KLHL22: variants seen among roughly 807,000 people sequenced by gnomAD.
KLHL22 encodes kelch like family member 22, also known as kelch-like protein 22.
In KLHL22, 18 loss-of-function variants were observed where a neutral mutation model predicts 60.7. The ratio of observed to expected loss-of-function variants is 0.30; its 90% CI spans 0.20 to 0.44. The LOEUF is 0.44. KLHL22 is among the 20% of genes least tolerant of loss of function. KLHL22 has a pLI of 1.00. For synonymous variants in KLHL22, 355 were observed against 354.5 expected, an observed-to-expected ratio of 1.00 and a Z score of -0.01; for missense variants, 596 against 852.3, an observed-to-expected ratio of 0.70 and a Z score of 3.74.
At chr22:20,484,634 G>T (rs1246987694) in intron 2 of KLHL22, among the ~76,000 whole-genome samples, 1 of 151,730 alleles carries the variant, frequency 6.6e-6, no homozygotes, top group East Asian at 1.9e-4. Flanking sequence ...GTTTCGTCAC[G>T]TTGCCCAGGC....
intron 6 of KLHL22, among the ~76,000 whole-genome samples, chr22:20,444,178 T>C (rs909513947): frequency 6.6e-6 from 1 of 151,634 alleles, no homozygotes; most frequent in African/African-American, 2.4e-5. Flanking sequence ...AGTGGGGACC[T>C]CTAGAAGCCA....
rs2053206061 is a variant in KLHL22, at chr22:20,464,828, A to G, written c.1112+30T>C. On this transcript the variant is annotated intron_variant, in intron 4 of 6. Coordinates refer to ENST00000328879, the MANE Select transcript of KLHL22 (RefSeq NM_032775.4). ...TTCCACACCCTCTCATCACCTGAAG[A>G]CAAAGGGACCAGCTAGCACCCTGTC... 4.4e-6 allele frequency: 6 copies of G among 1,378,028 alleles called. No homozygotes were observed. In the East Asian group the frequency reaches 1.4e-4, roughly 32 times the overall value. 85.4% of individuals were successfully genotyped at this position (1,378,028 alleles called of 1,614,324 possible).
intron 3 of KLHL22, among the ~76,000 whole-genome samples, chr22:20,469,768 G>A (rs2053285054): frequency 1.8e-5 from 1 of 54,592 alleles, no homozygotes; most frequent in African/African-American, 7.4e-5. Context: ...GTTTTCCTGT[G>A]ACTTGAGTTG....
rs2053751325 is a variant in KLHL22 at position 20,495,315 on chromosome 22, A to G, written c.-34+445T>C. Among the ~76,000 whole-genome samples, 4 of 152,328 alleles carry G rather than the reference A, an allele frequency of 2.6e-5. No individual in the cohort carries two copies. The South Asian group carries it at 6.2e-4, about 24-fold the overall frequency. On this transcript the variant is annotated intron_variant, in intron 1 of 6. Coordinates refer to ENST00000328879, the MANE Select transcript of KLHL22 (RefSeq NM_032775.4). The surrounding 1 kb of genome is among the most constrained non-coding windows in gnomAD (Gnocchi z 4.6). ...GGCAAGGCTGGGCTCCTACGGCTGC[A>G]GTCCCCGGGCCCGATCGAGGGAACT...
chr22:20,445,727 A>G (rs1483437884), intron 6 of KLHL22, among the ~76,000 whole-genome samples: 1 of 151,972 alleles, frequency 6.6e-6, no homozygotes, highest in Non-Finnish European at 1.5e-5. Context: ...GACTACAGGT[A>G]TGTGCTGCCA....
chr22:20,456,310 C>G (rs1326972103), intron 5 of KLHL22: 1 of 152,230 alleles, frequency 6.6e-6, no homozygotes, highest in Non-Finnish European at 1.5e-5. Flanking sequence ...GAGTCTTTCT[C>G]ATTTCTTGTC....
At chr22:20,459,141 T>G (rs2053114622) in intron 4 of KLHL22, among the ~76,000 whole-genome samples, 1 of 152,204 alleles carries the variant, frequency 6.6e-6, no homozygotes, top group Non-Finnish European at 1.5e-5. Context: ...AGCCCACAGA[T>G]AGTTACAGCC....
At chr22:20,471,696 T>C (rs979887975) in intron 2 of KLHL22, among the ~76,000 whole-genome samples, 181 bp from the exon 3 acceptor site, 1 of 152,190 alleles carries the variant, frequency 6.6e-6, no homozygotes, top group Non-Finnish European at 1.5e-5. Context: ...AAAAGGATCC[T>C]GACGAAGTCT....
At chr22:20,478,762 C>T (rs181474359) in intron 2 of KLHL22, among the ~76,000 whole-genome samples, 9,360 of 148,472 alleles carry the variant, frequency 0.063, 747 homozygotes, top group East Asian at 0.46. Flanking sequence ...GATCCTCCCG[C>T]CTCGGCCTCC....
chr22:20,465,361 A>G lies in KLHL22; in HGVS notation c.609T>C (p.Asn203=). 6.2e-7 allele frequency: 1 copy of G among 1,614,080 alleles called. No individual in the cohort carries two copies. The highest frequency in any genetic ancestry group is 8.5e-7 in the Non-Finnish European group (1 of 1,179,998). ...LEKVYSLLSS[N]RLEVSCETEV... Reference sequence around the variant, plus strand: ...CGGTCTCGCAGGAGACCTCCAGGCGATTGCTGCTGAGGAGGGAGTAGACCT... The same window carrying G: ...CGGTCTCGCAGGAGACCTCCAGGCGGTTGCTGCTGAGGAGGGAGTAGACCT... The change falls in exon 4 of 7, where the codon AAT becomes AAC. Residue 203 remains asparagine (N), a synonymous_variant. Coordinates refer to ENST00000328879, the MANE Select transcript of KLHL22 (RefSeq NM_032775.4). The surrounding 1 kb of genome is among the most constrained non-coding windows in gnomAD (Gnocchi z 4.9).
chr22:20,489,125 G>A lies in KLHL22; in HGVS notation c.87C>T (p.Ser29=), dbSNP rs763298678. 32 of 1,614,036 alleles carry A rather than the reference G, an allele frequency of 2.0e-5. No homozygotes were observed. Among genetic ancestry groups the A allele is most frequent in the East Asian group, 1.8e-4 (8 of 44,892 alleles). Residue 29 remains serine (S), a synonymous_variant, in exon 2 of 7, where the codon AGC becomes AGT. Transcript: ENST00000328879. The stretch of plus-strand genomic sequence containing the variant: ...GGAGCAGAGCCTGGGAGTGCTGTGC[G>A]CTGCGGTAGGTGTTGTTCACGCAGT... ...HPHCVNNTYR[S]AQHSQALLRG... is the part of the protein sequence containing the mutation.
At chr22:20,451,261 T>G in intron 5 of KLHL22, 1 of 1,604,802 alleles carries the variant, frequency 6.2e-7, no homozygotes, top group African/African-American at 1.3e-5. Flanking sequence ...AGATTTGATC[T>G]ATGTCTCTGG....
chr22:20,446,796 T>C, intron 5 of KLHL22, 120 bp from the exon 6 acceptor site: 1 of 724,960 alleles, frequency 1.4e-6, no homozygotes, highest in South Asian at 1.6e-5. Flanking sequence ...CTTCACCACT[T>C]CCCACTCACA....
chr22:20,491,588 A>T (rs1252889122), intron 1 of KLHL22: 1 of 152,222 alleles, frequency 6.6e-6, no homozygotes, highest in Non-Finnish European at 1.5e-5. Context: ...AACACAATGG[A>T]ATTTGTGTAT....
rs754202352 is a variant in KLHL22, at chr22:20,457,905, G to A, written c.1208C>T (p.Ala403Val). ...SVCVVGRYIY[A>V]VAGRDYHNDL... ...ATTGTGGTAGTCACGGCCCGCCACA[G>A]CGTAGATGTACCTGCCTACAACACA... The change falls in exon 5 of 7, where the codon GCT becomes GTT. Residue 403 changes from alanine to valine, a missense_variant. Transcript: ENST00000328879. 5.0e-6 allele frequency: 8 copies of A among 1,613,792 alleles called. No individual in the cohort carries two copies. The highest frequency in any genetic ancestry group is 5.9e-6 in the Non-Finnish European group (7 of 1,179,964).
intron 2 of KLHL22, among the ~76,000 whole-genome samples, chr22:20,485,175 C>T (rs962889603): frequency 1.9e-4 from 29 of 152,046 alleles, no homozygotes; most frequent in Admixed American, 7.2e-4. Context: ...AAGGGAGGGA[C>T]GAGGTGACCC....
At chr22:20,449,598 A>T (rs539295256) in intron 5 of KLHL22, among the ~76,000 whole-genome samples, 21 of 151,310 alleles carry the variant, frequency 1.4e-4, no homozygotes, top group African/African-American at 5.1e-4. Context: ...ATGGGGTTTC[A>T]CCATGTTGGC....
At chr22:20,460,608 CCCAAAAAAAAAAAAAAAAAAAAAA>C (rs2053137604) in intron 4 of KLHL22, among the ~76,000 whole-genome samples, 1 of 32,674 alleles carries the variant, frequency 3.1e-5, no homozygotes, top group African/African-American at 1.1e-4. Flanking sequence ...AACTCCATCC[CCCAAAAAAAAAAAAAAAAAAAAAA>C]AAAAAAAAAA....
At chr22:20,455,251 G>A (rs959490099) in intron 5 of KLHL22, among the ~76,000 whole-genome samples, 5 of 152,196 alleles carry the variant, frequency 3.3e-5, no homozygotes, top group East Asian at 1.9e-4. Flanking sequence ...TTACCTCCAC[G>A]CTACACTCTG....
Sources: gnomAD v4.1 joint callset for allele counts (sites outside exome capture counted in the v4.1 genomes callset) on GRCh38, gnomAD v4.1.1 for gene constraint, Gnocchi (gnomAD v3.1) non-coding constraint, MANE v1.5 for transcripts, NCBI Gene and HGNC (gene_info 2026-07-23, HGNC 2026-07-21) for gene names.